Variants in KMT5A observed in about 807,000 individuals in gnomAD.
The protein encoded by KMT5A is lysine methyltransferase 5A.
In KMT5A, 6 loss-of-function variants were observed where a neutral mutation model predicts 40.6. That is an observed-to-expected ratio of 0.15 (90% CI 0.08 to 0.29). The LOEUF is 0.29. Among genes scored for constraint, KMT5A ranks in the 10% least tolerant of loss-of-function variants. KMT5A has a pLI of 1.00. For synonymous variants in KMT5A, 153 were observed against 178.8 expected (o/e 0.86, Z 1.15); for missense variants, 308 against 459.1 (o/e 0.67, Z 3.01).
intron 7 of KMT5A, 46 bp downstream of exon 7, chr12:123,405,120 T>G: frequency 6.5e-7 from 1 of 1,532,028 alleles, no homozygotes; most frequent in Non-Finnish European, 8.8e-7. Flanking sequence ...CTCTGGGCAG[T>G]GAGGAGAGGC....
rs1273969371 is a variant in KMT5A at position 123,407,950 on chromosome 12, T to G, written c.*247T>G. 1 of 491,042 alleles carries G rather than the reference T, an allele frequency of 2.0e-6. No individual in the cohort carries two copies. The allele number at this position is 491,042 out of a possible 1,614,324, so 30.4% of individuals were successfully genotyped here. A position where few individuals can be genotyped will look rare whatever the true frequency, so the allele number is the denominator to read the frequency against. ...TATTCTAGTTGTTTTTGTACTTTTT[T>G]TGCATACAAGCCGAACGTTTGTGCT... On this transcript the variant is annotated 3_prime_UTR_variant, in exon 8 of 8. Transcript: ENST00000402868.
At chr12:123,393,180 T>C (rs1877437085) in intron 3 of KMT5A, among the ~76,000 whole-genome samples, 1 of 152,282 alleles carries the variant, frequency 6.6e-6, no homozygotes, top group Middle Eastern at 3.4e-3. Context: ...CCCGGCCTAA[T>C]GTATTTATTT....
At chr12:123,385,994 C>G (rs1441660808) in intron 1 of KMT5A, among the ~76,000 whole-genome samples, 1 of 152,162 alleles carries the variant, frequency 6.6e-6, no homozygotes, top group Non-Finnish European at 1.5e-5. Context: ...TGTCCAGACT[C>G]TAGCTTGGCT....
At chr12:123,390,232 C>G (rs1441989194) in intron 2 of KMT5A, 2 of 440,314 alleles carry the variant, frequency 4.5e-6, no homozygotes, top group Non-Finnish European at 9.1e-6. Context: ...TAATCAGGTT[C>G]CCCGGGGCGT....
intron 5 of KMT5A, 120 bp downstream of exon 5, chr12:123,396,552 T>C: frequency 2.3e-6 from 2 of 871,692 alleles, no homozygotes; most frequent in Admixed American, 2.2e-5. Context: ...GCAAGTCTCT[T>C]GGCCCCTCTG....
At chr12:123,390,100 G>T (rs757915914) in intron 2 of KMT5A, 2 of 469,006 alleles carry the variant, frequency 4.3e-6, no homozygotes, top group Non-Finnish European at 4.4e-6. Flanking sequence ...CCTGAGAGAA[G>T]TCCTCCCGTC....
intron 1 of KMT5A, among the ~76,000 whole-genome samples, chr12:123,385,972 G>C (rs918430152): frequency 3.3e-5 from 5 of 152,102 alleles, no homozygotes; most frequent in African/African-American, 1.2e-4. Flanking sequence ...GAAGCGTGAA[G>C]TCCAAACTTG....
Position 123,384,762 on chromosome 12 carries a change from G to A in KMT5A, c.10+554G>A, listed in dbSNP as rs905669995. ...AGGCCGGGCCCCGCTGGCCCACTTT[G>A]GGGTAAAACGGGTTCCTGGCATCTC... On this transcript the variant is annotated intron_variant, in intron 1 of 7. Transcript: ENST00000402868. The surrounding 1 kb of genome is among the most constrained non-coding windows in gnomAD (Gnocchi z 5.7). 1.3e-5 allele frequency among the ~76,000 whole-genome samples: 2 copies of A among 152,256 alleles called. No individual in the cohort carries two copies. The highest frequency in any genetic ancestry group is 2.4e-5 in the African/African-American group (1 of 41,472).
At chr12:123,406,162 A>G (rs1566083628) in intron 7 of KMT5A, among the ~76,000 whole-genome samples, 1 of 152,024 alleles carries the variant, frequency 6.6e-6, no homozygotes, top group Non-Finnish European at 1.5e-5. Context: ...CCTGGATGTT[A>G]TCTCATCCAA....
At chr12:123,393,679 A>G (rs1283813666) in intron 3 of KMT5A, among the ~76,000 whole-genome samples, 2 of 152,062 alleles carry the variant, frequency 1.3e-5, no homozygotes, top group African/African-American at 4.8e-5. Flanking sequence ...AGCTGGGATT[A>G]TAGGCGCACA....
chr12:123,396,488 G>C (rs1877739526), intron 5 of KMT5A, 56 bp downstream of exon 5: 3 of 1,491,782 alleles, frequency 2.0e-6, no homozygotes, highest in Non-Finnish European at 2.8e-6. Flanking sequence ...CCACCAAGCA[G>C]TGCTTGGCGT....
intron 1 of KMT5A, chr12:123,388,377 T>G (rs1383942096): frequency 6.6e-6 from 1 of 152,246 alleles, no homozygotes; most frequent in Non-Finnish European, 1.5e-5. Flanking sequence ...GAGGTTTCAG[T>G]GAGATAACGG....
At position 123,408,386 on chromosome 12, in the gene KMT5A, G is replaced by A. The variant is rs1878729589; in HGVS notation, c.*683G>A. 2 of 152,344 alleles carry A rather than the reference G, an allele frequency of 1.3e-5. No homozygotes were observed. Among genetic ancestry groups the A allele is most frequent in the African/African-American group, 4.8e-5 (2 of 41,368 alleles). The allele number at this position is 152,344 out of a possible 1,614,324, so 9.4% of individuals were successfully genotyped here. A position where few individuals can be genotyped will look rare whatever the true frequency, so the allele number is the denominator to read the frequency against. ...ATCAAACTAGATGTGGGCAGGGAGA[G>A]GGTTGCTTACCTGCCCTGCTGGGGC... On this transcript the variant is annotated 3_prime_UTR_variant, in exon 8 of 8. Transcript: ENST00000402868.
intron 4 of KMT5A, among the ~76,000 whole-genome samples, chr12:123,395,727 G>A (rs1877673764): frequency 6.6e-6 from 1 of 151,974 alleles, no homozygotes; most frequent in Admixed American, 6.6e-5. Flanking sequence ...ACCATGTCCC[G>A]CTTATTTTTG....
chr12:123,389,934 A>T, intron 2 of KMT5A: 1 of 402,588 alleles, frequency 2.5e-6, no homozygotes, highest in Non-Finnish European at 4.9e-6. Flanking sequence ...GTACTTACTC[A>T]GAGGAGGGGC....
chr12:123,389,997 C>T (rs1877169324), intron 2 of KMT5A: 2 of 459,610 alleles, frequency 4.4e-6, no homozygotes, highest in Non-Finnish European at 8.8e-6. Flanking sequence ...GCCCCGTCCA[C>T]TCTCTTACTG....
chr12:123,402,856 G>A (rs191176889), intron 5 of KMT5A, among the ~76,000 whole-genome samples: 279 of 152,302 alleles, frequency 1.8e-3, no homozygotes, highest in African/African-American at 5.7e-3. Flanking sequence ...CCAGAGCCAT[G>A]TGGACTGCGT....
At chr12:123,400,459 C>T (rs1051105502) in intron 5 of KMT5A, among the ~76,000 whole-genome samples, 14 of 150,980 alleles carry the variant, frequency 9.3e-5, no homozygotes, top group African/African-American at 3.4e-4. Flanking sequence ...CTCCCAGGTT[C>T]AAGCAATTCT....
chr12:123,405,665 C>T (rs564178965), intron 7 of KMT5A, among the ~76,000 whole-genome samples: 9 of 150,708 alleles, frequency 6.0e-5, no homozygotes, highest in South Asian at 2.1e-4. Flanking sequence ...TACAGGTGTG[C>T]GTCACCACGC....
Sources: allele counts gnomAD v4.1 joint callset (sites outside exome capture counted in the v4.1 genomes callset), GRCh38; gene constraint gnomAD v4.1.1; non-coding constraint Gnocchi (gnomAD v3.1); transcripts MANE v1.5; gene names NCBI Gene and HGNC (gene_info 2026-07-23, HGNC 2026-07-21).